The following THSD4 variants were observed in gnomAD, a reference collection of about 807,000 sequenced individuals.
THSD4 encodes the protein thrombospondin type 1 domain containing 4, also known as thrombospondin type-1 domain-containing protein 4.
Under a neutral mutation model 119.0 loss-of-function variants are expected in THSD4, and 69 were observed. The observed-to-expected ratio is 0.58, with a 90% confidence interval of 0.48 to 0.71. The LOEUF (loss-of-function observed/expected upper bound fraction) is 0.71. Among genes scored for constraint, THSD4 ranks in the 30% least tolerant of loss-of-function variants. THSD4 has a pLI of 0.00. For synonymous variants in THSD4, 524 were observed against 540.4 expected (o/e 0.97, Z 0.42); for missense variants, 1,393 against 1,391.1 (o/e 1.00, Z -0.02).
intron 8 of THSD4, among the ~76,000 whole-genome samples, chr15:71,722,466 G>A (rs554085615): frequency 6.6e-6 from 1 of 152,066 alleles, no homozygotes; most frequent in African/African-American, 2.4e-5. Context: ...TCTTTCAAAT[G>A]GTTCTTTAAT....
chr15:71,361,510 G>C (rs2045891436), intron 6 of THSD4, among the ~76,000 whole-genome samples: 1 of 152,190 alleles, frequency 6.6e-6, no homozygotes, highest in African/African-American at 2.4e-5. Flanking sequence ...TATCACCTGT[G>C]ATCGTTGAAG....
chr15:71,623,874 G>A (rs568501916), intron 7 of THSD4, among the ~76,000 whole-genome samples: 89 of 148,468 alleles, frequency 6.0e-4, no homozygotes, highest in Admixed American at 9.7e-4. Flanking sequence ...AGTGAGCCGA[G>A]ATGGCGCCAT....
At chr15:71,635,740 G>A (rs1247109497) in intron 7 of THSD4, among the ~76,000 whole-genome samples, 1 of 152,152 alleles carries the variant, frequency 6.6e-6, no homozygotes, top group Non-Finnish European at 1.5e-5. Flanking sequence ...TGGAGCTGGA[G>A]GTGAGACTGG....
At chr15:71,413,980 C>G (rs1245104226) in intron 7 of THSD4, among the ~76,000 whole-genome samples, 2 of 152,206 alleles carry the variant, frequency 1.3e-5, no homozygotes, top group Non-Finnish European at 2.9e-5. Context: ...TCCAAAGCAA[C>G]TGTTTCATTT....
intron 6 of THSD4, among the ~76,000 whole-genome samples, chr15:71,302,144 G>A (rs183957367): frequency 8.5e-5 from 13 of 152,292 alleles, no homozygotes; most frequent in African/African-American, 2.9e-4. Flanking sequence ...GCCAAGTGTC[G>A]TTGTGAGTCT....
intron 5 of THSD4, among the ~76,000 whole-genome samples, chr15:71,252,042 T>A (rs184550280): frequency 7.4e-4 from 112 of 152,310 alleles, no homozygotes; most frequent in African/African-American, 2.6e-3. Context: ...AGGGAGGTTA[T>A]CTCCCAGAGG....
chr15:71,416,903 C>T lies in THSD4; in HGVS notation c.1152+5080C>T, dbSNP rs1426546527. Among the ~76,000 whole-genome samples the T allele has an allele frequency of 2.9e-5, 3 of 104,742 alleles. 1 individual carries two copies. Among genetic ancestry groups the T allele is most frequent in the African/African-American group, 9.9e-5 (3 of 30,424 alleles). 68.7% of individuals were successfully genotyped at this position (104,742 alleles called of 152,430 possible). A position where few individuals can be genotyped will look rare whatever the true frequency, so the allele number is the denominator to read the frequency against. On this transcript the variant is annotated intron_variant, in intron 7 of 17. Transcript: ENST00000261862. The stretch of plus-strand genomic sequence containing the variant: ...CCTCCCAAGTAGCTGGGACTACAGG[C>T]GCCCGCCACCACACCCAGCTAATTT...
At chr15:71,655,902 G>A (rs1381357768) in intron 7 of THSD4, among the ~76,000 whole-genome samples, 1 of 152,198 alleles carries the variant, frequency 6.6e-6, no homozygotes, top group Non-Finnish European at 1.5e-5. Context: ...CTGGATGGTG[G>A]TGGAAATGTT....
chr15:71,404,860 C>G (rs573070154), intron 6 of THSD4, among the ~76,000 whole-genome samples: 1 of 149,916 alleles, frequency 6.7e-6, no homozygotes, highest in Non-Finnish European at 1.5e-5. Flanking sequence ...TCTTTTCTTT[C>G]TTTTCTTTCC....
chr15:71,431,580 T>C (rs1231613702), intron 7 of THSD4, among the ~76,000 whole-genome samples: 1 of 152,140 alleles, frequency 6.6e-6, no homozygotes, highest in African/African-American at 2.4e-5. Flanking sequence ...AAAAAGCAGT[T>C]CTCAAATGCC....
chr15:71,296,220 G>A (rs1310845387), intron 6 of THSD4, among the ~76,000 whole-genome samples: 12 of 152,158 alleles, frequency 7.9e-5, no homozygotes, highest in Admixed American at 7.9e-4. Flanking sequence ...TAACTTTTCA[G>A]GAAATAGCCA....
intron 2 of THSD4, among the ~76,000 whole-genome samples, chr15:71,143,673 AT>A (rs1239493930): frequency 9.3e-6 from 1 of 107,658 alleles, no homozygotes; most frequent in African/African-American, 3.6e-5. Flanking sequence ...AATGTCTTGG[AT>A]TTTTTTCTTT....
At chr15:71,437,645 A>G (rs888677804) in intron 7 of THSD4, among the ~76,000 whole-genome samples, 4 of 152,124 alleles carry the variant, frequency 2.6e-5, no homozygotes, top group African/African-American at 9.7e-5. Flanking sequence ...ATTTTCGGGT[A>G]TTGGTTTCTG....
At chr15:71,603,267 GAA>G (rs1049559594) in intron 7 of THSD4, among the ~76,000 whole-genome samples, 1 of 151,874 alleles carries the variant, frequency 6.6e-6, no homozygotes, top group Non-Finnish European at 1.5e-5. Context: ...TGGGCAAAAA[GAA>G]AAAAAACTCT....
At chr15:71,647,593 G>A (rs181526805) in intron 7 of THSD4, among the ~76,000 whole-genome samples, 18 of 152,250 alleles carry the variant, frequency 1.2e-4, no homozygotes, top group African/African-American at 3.6e-4. Context: ...GCAAGCTCTC[G>A]GGTTGGGTAA....
At chr15:71,631,214 A>C (rs1595807340) in intron 7 of THSD4, among the ~76,000 whole-genome samples, 1 of 152,202 alleles carries the variant, frequency 6.6e-6, no homozygotes, top group African/African-American at 2.4e-5. Context: ...GTGCCAGCCC[A>C]AGTCATGCAG....
At chr15:71,661,367 C>G (rs1266354327) in intron 8 of THSD4, among the ~76,000 whole-genome samples, 3 of 152,058 alleles carry the variant, frequency 2.0e-5, no homozygotes, top group Non-Finnish European at 4.4e-5. Flanking sequence ...CTGATAAAAA[C>G]CACAAGCCAA....
At chr15:71,307,482 C>T (rs189276814) in intron 6 of THSD4, among the ~76,000 whole-genome samples, 13 of 152,278 alleles carry the variant, frequency 8.5e-5, no homozygotes, top group Admixed American at 5.2e-4. Flanking sequence ...TACTTAAAAA[C>T]CCATTCAGGC....
chr15:71,282,406 AAAGG>A lies in THSD4; in HGVS notation c.1015+25695_1015+25698del, dbSNP rs572640423. Among the ~76,000 whole-genome samples the A allele has an allele frequency of 8.3e-3, 663 of 80,046 alleles. 7 individuals are homozygous for A. The highest frequency in any genetic ancestry group is 0.023 in the African/African-American group (607 of 26,148). The allele number at this position is 80,046 out of a possible 152,430, so 52.5% of individuals were successfully genotyped here. On this transcript the variant is annotated intron_variant, in intron 6 of 17. Transcript: ENST00000261862. ...ATAGTTGTAAGAAATAAAATTTAAAAAAGGAAGAAATAGGAAAAAAGAAGACAAG... is the reference window on the plus strand; with the variant it reads ...ATAGTTGTAAGAAATAAAATTTAAAAAAGAAATAGGAAAAAAGAAGACAAG...
Sources: allele counts gnomAD v4.1 joint callset (sites outside exome capture counted in the v4.1 genomes callset), GRCh38; gene constraint gnomAD v4.1.1; transcripts MANE v1.5; gene names NCBI Gene and HGNC (gene_info 2026-07-23, HGNC 2026-07-21).